ABAT: variants seen among roughly 807,000 people sequenced by gnomAD.
The protein encoded by ABAT is 4-aminobutyrate aminotransferase.
In ABAT, 45 loss-of-function variants were observed where a neutral mutation model predicts 64.6. The observed-to-expected ratio is 0.70, with a 90% CI of 0.55 to 0.89. ABAT has a LOEUF of 0.89. ABAT is among the 40% of genes least tolerant of loss of function. The pLI, the probability that ABAT is intolerant of heterozygous loss-of-function variation, is 0.00. For synonymous variants in ABAT, 297 were observed against 250.5 expected, an observed-to-expected ratio of 1.19 and a Z score of -1.75; for missense variants, 633 against 658.4, an observed-to-expected ratio of 0.96 and a Z score of 0.42.
chr16:8,783,248 C>A lies in ABAT; in HGVS notation c.*1818C>A, dbSNP rs1417307341. On this transcript the variant is annotated 3_prime_UTR_variant, in exon 16 of 16. Coordinates refer to ENST00000268251, the MANE Select transcript of ABAT (RefSeq NM_020686.6). ...TAGCTGCACCATCCCAGGCCCTGTG[C>A]GGAGCATCGGGAATACAAAGATGAG... 6.6e-6 allele frequency: 1 copy of A among 152,028 alleles called. No homozygotes were observed. Among genetic ancestry groups the A allele is most frequent in the South Asian group, 2.1e-4 (1 of 4,826 alleles). 9.4% of individuals were successfully genotyped at this position (152,028 alleles called of 1,614,324 possible).
At chr16:8,759,389 C>T (rs545773141) in intron 6 of ABAT, among the ~76,000 whole-genome samples, 1 of 151,740 alleles carries the variant, frequency 6.6e-6, no homozygotes, top group African/African-American at 2.4e-5. Context: ...TTTACTCCCA[C>T]TGAGAATGCA....
chr16:8,679,120 G>C (rs535301774), intron 1 of ABAT, among the ~76,000 whole-genome samples: 4 of 152,124 alleles, frequency 2.6e-5, no homozygotes, highest in Admixed American at 6.5e-5. Flanking sequence ...GGAGTTTGAG[G>C]CTGCAGTGAG....
intron 1 of ABAT, chr16:8,713,368 T>A (rs188010410): frequency 6.3e-6 from 1 of 158,312 alleles, no homozygotes; most frequent in African/African-American, 2.4e-5. Flanking sequence ...AAATGATGTG[T>A]CTTATCCTTC....
At position 8,744,958 on chromosome 16, in the gene ABAT, G is replaced by A. The variant is rs944938928; in HGVS notation, c.71-1043G>A. Among the ~76,000 whole-genome samples the A allele has an allele frequency of 5.9e-5, 9 of 152,150 alleles. 1 individual carries two copies. The highest frequency in any genetic ancestry group is 1.2e-4 in the African/African-American group (5 of 41,504). On this transcript the variant is annotated intron_variant, in intron 2 of 15. Coordinates refer to ENST00000268251, the MANE Select transcript of ABAT (RefSeq NM_020686.6). ...GCCACATTCTGCTTAGCTGACCTCC[G>A]GTGCTGGACATGTAGGTTGTTTTCC...
chr16:8,773,163 T>A (rs2060171127), intron 12 of ABAT, among the ~76,000 whole-genome samples: 1 of 137,134 alleles, frequency 7.3e-6, no homozygotes, highest in African/African-American at 2.7e-5. Flanking sequence ...TATATATTTT[T>A]TTTTTTGAGA....
intron 2 of ABAT, among the ~76,000 whole-genome samples, chr16:8,743,662 TTATAA>T (rs1439457740): frequency 7.5e-5 from 7 of 93,068 alleles, no homozygotes; most frequent in African/African-American, 1.6e-4. Context: ...TATATTTTAG[TTATAA>T]TATGTTATAT....
chr16:8,721,423 G>C (rs534297537), intron 1 of ABAT, among the ~76,000 whole-genome samples: 75 of 152,266 alleles, frequency 4.9e-4, no homozygotes, highest in African/African-American at 1.8e-3. Flanking sequence ...CCGGTGCCCA[G>C]GTCACACCTG....
intron 1 of ABAT, 136 bp from the exon 2 acceptor site, chr16:8,735,563 G>A (rs2058898060): frequency 1.3e-6 from 1 of 780,272 alleles, no homozygotes; most frequent in African/African-American, 1.7e-5. Flanking sequence ...TAAAGTCCAT[G>A]TTCAGTATAA....
At position 8,739,434 on chromosome 16, in the gene ABAT, T is replaced by A. The variant is rs117526268; in HGVS notation, c.70+3625T>A. On this transcript the variant is annotated intron_variant, in intron 2 of 15. Coordinates refer to ENST00000268251, the MANE Select transcript of ABAT (RefSeq NM_020686.6). ...CTTGCATTAGAAGAAATGGTTCATATGGGCCAGGCACAGTGGCCCACACCT... is the reference window on the plus strand; with the variant it reads ...CTTGCATTAGAAGAAATGGTTCATAAGGGCCAGGCACAGTGGCCCACACCT... Among the ~76,000 whole-genome samples the A allele has an allele frequency of 6.8e-3, 1,037 of 152,310 alleles. 6 individuals carry two copies. Among genetic ancestry groups the A allele is most frequent in the Non-Finnish European group, 0.012 (800 of 68,036 alleles).
intron 6 of ABAT, among the ~76,000 whole-genome samples, chr16:8,761,394 G>A (rs10775279): frequency 0.79 from 119,707 of 152,140 alleles, 47,554 homozygotes; most frequent in Non-Finnish European, 0.84. Flanking sequence ...CTGTGTCCCA[G>A]TCTCCTCCAC....
chr16:8,754,722 C>CTTTCTTTCTTTCTTTCTTT (rs1555490653), intron 5 of ABAT, among the ~76,000 whole-genome samples: 1 of 133,062 alleles, frequency 7.5e-6, no homozygotes, highest in Non-Finnish European at 1.6e-5. Context: ...TTCTTTCTTT[C>CTTTCTTTCTTTCTTTCTTT]TTTTTTTTTT....
chr16:8,719,983 T>C, intron 1 of ABAT, among the ~76,000 whole-genome samples: 1 of 152,174 alleles, frequency 6.6e-6, no homozygotes, highest in Admixed American at 6.5e-5. Context: ...AGCTGATTTC[T>C]GTATTTTTTT....
At chr16:8,741,870 A>G (rs1036190644) in intron 2 of ABAT, among the ~76,000 whole-genome samples, 4 of 152,240 alleles carry the variant, frequency 2.6e-5, no homozygotes, top group Non-Finnish European at 2.9e-5. Flanking sequence ...CTGATCCTCA[A>G]CTGTAAACTG....
chr16:8,775,565 TAC>T (rs3069345), intron 13 of ABAT, among the ~76,000 whole-genome samples: 130,009 of 150,996 alleles, frequency 0.86, 57,338 homozygotes, highest in East Asian at 0.98. Flanking sequence ...CATACAGATT[TAC>T]ACACACACAC....
intron 6 of ABAT, 95 bp from the exon 7 acceptor site, chr16:8,763,974 C>A: frequency 9.8e-7 from 1 of 1,022,702 alleles, no homozygotes; most frequent in South Asian, 1.3e-5. Flanking sequence ...CATTTGGAGG[C>A]TATTTGAACA....
At chr16:8,726,711 A>C (rs911696864) in intron 1 of ABAT, among the ~76,000 whole-genome samples, 1 of 152,226 alleles carries the variant, frequency 6.6e-6, no homozygotes, top group East Asian at 1.9e-4. Context: ...TTTACCCAGC[A>C]GTGGGATTCC....
chr16:8,768,986 C>A lies in ABAT; in HGVS notation c.816+13C>A. The A allele has an allele frequency of 6.2e-7, 1 of 1,613,998 alleles. No homozygotes were observed. Among genetic ancestry groups the A allele is most frequent in the Non-Finnish European group, 8.5e-7 (1 of 1,179,962 alleles). On this transcript the variant is annotated intron_variant, in intron 11 of 15. Transcript: ENST00000268251. ...CTGTCTGGAAGAGGTAATGCTCATA[C>A]CCTGCGGATCCTCCCCAACCACCAG...
intron 1 of ABAT, among the ~76,000 whole-genome samples, chr16:8,691,152 C>A (rs1472314750): frequency 1.3e-5 from 2 of 152,158 alleles, no homozygotes; most frequent in Non-Finnish European, 2.9e-5. Context: ...TACAGCCACA[C>A]CTCCTCTGTT....
intron 6 of ABAT, among the ~76,000 whole-genome samples, chr16:8,760,589 G>A (rs1435007445): frequency 6.6e-6 from 1 of 152,362 alleles, no homozygotes; most frequent in African/African-American, 2.4e-5. Context: ...TGTCTGATGA[G>A]GCCCACTGAG....
Sources: gnomAD v4.1 joint callset for allele counts (sites outside exome capture counted in the v4.1 genomes callset) on GRCh38, gnomAD v4.1.1 for gene constraint, MANE v1.5 for transcripts, NCBI Gene and HGNC (gene_info 2026-07-23, HGNC 2026-07-21) for gene names.